KCNQ1: variants seen among roughly 807,000 people sequenced by gnomAD.
The protein encoded by KCNQ1 is potassium voltage-gated channel subfamily Q member 1.
Under a neutral mutation model 72.4 loss-of-function variants are expected in KCNQ1, and 49 were observed. That is an observed-to-expected ratio of 0.68 (90% CI 0.54 to 0.86). The LOEUF (loss-of-function observed/expected upper bound fraction) is 0.86. Among genes scored for constraint, KCNQ1 ranks in the 40% least tolerant of loss-of-function variants. The pLI, the probability that KCNQ1 is intolerant of heterozygous loss-of-function variation, is 0.00. For missense variants in KCNQ1, 790 were observed against 945.1 expected, an observed-to-expected ratio of 0.84 and a Z score of 2.15; for synonymous variants, 450 against 412.6, an observed-to-expected ratio of 1.09 and a Z score of -1.10.
rs1485929261 is a variant in KCNQ1, at chr11:2,826,478, A to C, written c.1795-21289A>C. Among the ~76,000 whole-genome samples, 1 of 152,242 alleles carries C rather than the reference A, an allele frequency of 6.6e-6. No individual in the cohort carries two copies. Among genetic ancestry groups the C allele is most frequent in the Non-Finnish European group, 1.5e-5 (1 of 68,042 alleles). ...CGCAGACAGTCACGGAAACTCAGGC[A>C]GACCCGGCGTTGGGTGCGCCAGGCC... On this transcript the variant is annotated intron_variant, in intron 15 of 15. Transcript: ENST00000155840. The surrounding 1 kb of genome is among the most constrained non-coding windows in gnomAD (Gnocchi z 4.2).
rs191001520 is a variant in KCNQ1 at position 2,748,702 on chromosome 11, A to G, written c.1515-20142A>G. ...GGATCACAGAGCTTCGGGTCCAGCC[A>G]GCTGCTGCTGCCCCTCCCTCTGGGC... On this transcript the variant is annotated intron_variant, in intron 11 of 15. Transcript: ENST00000155840. The surrounding 1 kb of genome is among the most constrained non-coding windows in gnomAD (Gnocchi z 6.2). Among the ~76,000 whole-genome samples the G allele has an allele frequency of 1.3e-5, 2 of 152,086 alleles. No individual in the cohort carries two copies. The highest frequency in any genetic ancestry group is 1.3e-4 in the Admixed American group (2 of 15,282).
Position 2,764,304 on chromosome 11 carries a change from T to C in KCNQ1, c.1515-4540T>C, listed in dbSNP as rs1391331657. Among the ~76,000 whole-genome samples, 1 of 152,146 alleles carries C rather than the reference T, an allele frequency of 6.6e-6. No individual in the cohort carries two copies. Among genetic ancestry groups the C allele is most frequent in the Non-Finnish European group, 1.5e-5 (1 of 68,020 alleles). ...TCAAATGCTTTCTTACAATCTGTTG[T>C]GTTGATTGTATTTTTTCTGACTTAT... is the stretch of plus-strand genomic sequence containing the variant. On this transcript the variant is annotated intron_variant, in intron 11 of 15. Transcript: ENST00000155840. The surrounding 1 kb of genome is among the most constrained non-coding windows in gnomAD (Gnocchi z 4.8).
intron 10 of KCNQ1, chr11:2,629,253 C>A: frequency 2.5e-6 from 1 of 398,214 alleles, no homozygotes; most frequent in South Asian, 1.3e-4. Context: ...TTATTTGTAT[C>A]ATCTTAGAAT....
chr11:2,532,258 C>T (rs1268467141), intron 2 of KCNQ1, among the ~76,000 whole-genome samples: 1 of 152,214 alleles, frequency 6.6e-6, no homozygotes, highest in East Asian at 1.9e-4. Context: ...CCCACAAGCT[C>T]TGCATGGCGC....
rs1187277818 is a variant in KCNQ1 at position 2,447,868 on chromosome 11, T to A, written c.386+2384T>A. Among the ~76,000 whole-genome samples the A allele has an allele frequency of 6.6e-6, 1 of 152,186 alleles. No individual in the cohort carries two copies. Among genetic ancestry groups the A allele is most frequent in the African/African-American group, 2.4e-5 (1 of 41,444 alleles). On this transcript the variant is annotated intron_variant, in intron 1 of 15. Coordinates refer to ENST00000155840, the MANE Select transcript of KCNQ1 (RefSeq NM_000218.3). This position sits in a 1 kb window ranked among gnomAD's most constrained non-coding sequence, Gnocchi z 7.6. ...CAGGGCTAGGGCGAACTCTCCTGTG[T>A]GCGCCTGGGGAAGCCAGCCAGGATA...
intron 10 of KCNQ1, among the ~76,000 whole-genome samples, chr11:2,606,228 T>C (rs1848876529): frequency 6.6e-6 from 1 of 152,240 alleles, no homozygotes; most frequent in Admixed American, 6.5e-5. Context: ...TTTTGTCTCC[T>C]GCAGCCTTAC....
At chr11:2,739,797 A>G (rs1846020879) in intron 11 of KCNQ1, among the ~76,000 whole-genome samples, 1 of 152,200 alleles carries the variant, frequency 6.6e-6, no homozygotes, top group African/African-American at 2.4e-5. Context: ...GACCGTGTCC[A>G]GGGGACAGAG....
intron 2 of KCNQ1, among the ~76,000 whole-genome samples, chr11:2,560,188 GGTGACATCCATCCTGGGGGGACGGAGGC>G (rs1207037894): frequency 1.8e-5 from 2 of 114,012 alleles, no homozygotes; most frequent in Admixed American, 8.3e-5. Context: ...CCTGGGGAGG[GGTGACATCCATCCTGGGGGGACGGAGGC>G]GTGACGTCCA....
At position 2,473,856 on chromosome 11, in the gene KCNQ1, G is replaced by A. The variant is rs1433225249; in HGVS notation, c.386+28372G>A. Among the ~76,000 whole-genome samples the A allele has an allele frequency of 1.3e-5, 2 of 152,232 alleles. No homozygotes were observed. Among genetic ancestry groups the A allele is most frequent in the East Asian group, 3.8e-4 (2 of 5,198 alleles). On this transcript the variant is annotated intron_variant, in intron 1 of 15. Transcript: ENST00000155840. The surrounding 1 kb of genome is among the most constrained non-coding windows in gnomAD (Gnocchi z 6.0). ...ACCAGCTGGGCAGACAGCCGCATGCGCTCACCACTCGCCCTCCACAGATGG... is the reference window on the plus strand; with the variant it reads ...ACCAGCTGGGCAGACAGCCGCATGCACTCACCACTCGCCCTCCACAGATGG...
intron 2 of KCNQ1, among the ~76,000 whole-genome samples, chr11:2,540,371 G>A (rs1015683543): frequency 1.6e-4 from 25 of 152,168 alleles, no homozygotes; most frequent in African/African-American, 5.8e-4. Context: ...GACAGGGCTC[G>A]GTGCGGCCTC....
chr11:2,480,424 T>A (rs938132230), intron 1 of KCNQ1, among the ~76,000 whole-genome samples: 1 of 152,218 alleles, frequency 6.6e-6, no homozygotes, highest in African/African-American at 2.4e-5. Flanking sequence ...ACATCTTACG[T>A]GGCAGCTGGC....
rs930995160 is a variant in KCNQ1, at chr11:2,711,836, G to T, written c.1514+49755G>T. On this transcript the variant is annotated intron_variant, in intron 11 of 15. Transcript: ENST00000155840. This position sits in a 1 kb window ranked among gnomAD's most constrained non-coding sequence, Gnocchi z 5.4. ...ACTTAGGAGGGAGGGTCCTGGCACT[G>T]CTTCTGAGGAGGGTGCCTTTGAGGG... 2.0e-5 allele frequency among the ~76,000 whole-genome samples: 3 copies of T among 152,206 alleles called. No homozygotes were observed. The highest frequency in any genetic ancestry group is 7.2e-5 in the African/African-American group (3 of 41,456).
intron 1 of KCNQ1, among the ~76,000 whole-genome samples, chr11:2,489,309 A>G (rs1412756383): frequency 1.3e-5 from 2 of 152,176 alleles, no homozygotes; most frequent in Non-Finnish European, 2.9e-5. Flanking sequence ...AGAAAGCAGA[A>G]CCAGGCTAAA....
Position 2,734,580 on chromosome 11 carries a change from C to T in KCNQ1, c.1515-34264C>T, listed in dbSNP as rs577417196. ...GAGGCTGATCTCAGGATGCTTGCTG[C>T]GGCTGCTGGGTGGGGGATAACAGGG... On this transcript the variant is annotated intron_variant, in intron 11 of 15. Transcript: ENST00000155840. The surrounding 1 kb of genome is among the most constrained non-coding windows in gnomAD (Gnocchi z 7.0). 1.3e-5 allele frequency among the ~76,000 whole-genome samples: 2 copies of T among 151,136 alleles called. No individual in the cohort carries two copies. The highest frequency in any genetic ancestry group is 2.4e-5 in the African/African-American group (1 of 41,114).
chr11:2,617,236 A>G lies in KCNQ1; in HGVS notation c.1393+28382A>G, dbSNP rs982423434. On this transcript the variant is annotated intron_variant, in intron 10 of 15. Transcript: ENST00000155840. This position sits in a 1 kb window ranked among gnomAD's most constrained non-coding sequence, Gnocchi z 4.6. ...CTACATCTTTCCATTTTCTTCCCCC[A>G]CACCTTGCCCATGGTAACCACTAGT... 5.0e-6 allele frequency: 2 copies of G among 397,978 alleles called. No homozygotes were observed. The highest frequency in any genetic ancestry group is 4.1e-5 in the African/African-American group (2 of 48,508). The allele number at this position is 397,978 out of a possible 1,614,324, so 24.7% of individuals were successfully genotyped here.
rs2133869085 is a variant in KCNQ1 at position 2,671,708 on chromosome 11, G to C, written c.1514+9627G>C. ...CAAGGCAATAGAGGGTACTTGGGAA[G>C]TAGGGTGGTAGGCAAGGCTTTTCAG... is the stretch of plus-strand genomic sequence containing the variant. On this transcript the variant is annotated intron_variant, in intron 11 of 15. Coordinates refer to ENST00000155840, the MANE Select transcript of KCNQ1 (RefSeq NM_000218.3). The surrounding 1 kb of genome is among the most constrained non-coding windows in gnomAD (Gnocchi z 4.7). The C allele has an allele frequency of 2.5e-6, 1 of 398,764 alleles. No homozygotes were observed. The highest frequency in any genetic ancestry group is 2.1e-5 in the African/African-American group (1 of 48,768). The allele number at this position is 398,764 out of a possible 1,614,324, so 24.7% of individuals were successfully genotyped here. A position where few individuals can be genotyped will look rare whatever the true frequency, so the allele number is the denominator to read the frequency against.
chr11:2,533,467 G>A (rs74048676), intron 2 of KCNQ1, among the ~76,000 whole-genome samples: 122 of 152,372 alleles, frequency 8.0e-4, no homozygotes, highest in African/African-American at 2.8e-3. Context: ...TGAATTCAGA[G>A]GGGGCTGTGT....
intron 10 of KCNQ1, among the ~76,000 whole-genome samples, chr11:2,589,861 G>A (rs1408251425): frequency 2.6e-5 from 4 of 152,140 alleles, no homozygotes; most frequent in Non-Finnish European, 4.4e-5. Context: ...CCGTCATCTC[G>A]GGACCAGTTT....
chr11:2,688,738 T>C (rs565624559), intron 11 of KCNQ1: 23 of 398,830 alleles, frequency 5.8e-5, no homozygotes, highest in Non-Finnish European at 9.3e-5. Flanking sequence ...GGCTCTGAGC[T>C]GCTGCTGGTT....
Sources: gnomAD v4.1 joint callset for allele counts (sites outside exome capture counted in the v4.1 genomes callset) on GRCh38, gnomAD v4.1.1 for gene constraint, Gnocchi (gnomAD v3.1) non-coding constraint, MANE v1.5 for transcripts, NCBI Gene and HGNC (gene_info 2026-07-23, HGNC 2026-07-21) for gene names.